The following HPSE2 variants were observed in gnomAD, a reference collection of about 807,000 sequenced individuals.
The protein encoded by HPSE2 is inactive heparanase-2.
In HPSE2, 38 loss-of-function variants were observed where a neutral mutation model predicts 60.5. The observed-to-expected ratio is 0.63, with a 90% confidence interval of 0.48 to 0.82. The LOEUF is 0.82. HPSE2 is among the 40% of genes least tolerant of loss of function. HPSE2 has a pLI of 0.00. For synonymous variants in HPSE2, 295 were observed against 293.2 expected (o/e 1.01, Z -0.06); for missense variants, 713 against 740.4 (o/e 0.96, Z 0.43).
At position 98,695,291 on chromosome 10, in the gene HPSE2, G is replaced by A. The variant is rs567582619; in HGVS notation, c.957-1344C>T. Among the ~76,000 whole-genome samples, 11 of 152,304 alleles carry A rather than the reference G, an allele frequency of 7.2e-5. No individual in the cohort carries two copies. In the South Asian group the frequency reaches 2.3e-3, roughly 32 times the overall value. On this transcript the variant is annotated intron_variant, in intron 5 of 11. Transcript: ENST00000370552. ...GGAGGAGGAGAAGGAGGACGAGGAC[G>A]GAGGATGAGAAGGCCACAGAAGCCC...
chr10:98,722,283 A>C (rs1388353298), intron 4 of HPSE2, among the ~76,000 whole-genome samples: 2 of 150,806 alleles, frequency 1.3e-5, no homozygotes, highest in Non-Finnish European at 2.9e-5. Context: ...GGAAGTTCAG[A>C]TACCCAGACA....
chr10:98,865,072 A>T (rs1952555801), intron 3 of HPSE2, among the ~76,000 whole-genome samples: 1 of 152,148 alleles, frequency 6.6e-6, no homozygotes, highest in Non-Finnish European at 1.5e-5. Flanking sequence ...AAATGTTGGC[A>T]TTAAAAAGAT....
At chr10:98,643,903 A>G (rs1468840499) in intron 6 of HPSE2, among the ~76,000 whole-genome samples, 1 of 152,224 alleles carries the variant, frequency 6.6e-6, no homozygotes, top group African/African-American at 2.4e-5. Flanking sequence ...TATTTAATCA[A>G]ATATATTACA....
At chr10:99,067,729 G>A (rs1842660127) in intron 3 of HPSE2, among the ~76,000 whole-genome samples, 1 of 152,174 alleles carries the variant, frequency 6.6e-6, no homozygotes, top group Non-Finnish European at 1.5e-5. Flanking sequence ...TTGATGGGAG[G>A]GGCTGCTGTG....
chr10:98,926,756 A>G (rs996430367), intron 3 of HPSE2, among the ~76,000 whole-genome samples: 1 of 152,222 alleles, frequency 6.6e-6, no homozygotes, highest in Non-Finnish European at 1.5e-5. Flanking sequence ...AAGTTGTGAT[A>G]CATCTTGTCC....
At chr10:99,080,090 A>G (rs1178574025) in intron 3 of HPSE2, among the ~76,000 whole-genome samples, 1 of 152,210 alleles carries the variant, frequency 6.6e-6, no homozygotes, top group Admixed American at 6.5e-5. Flanking sequence ...CCTCTCAATT[A>G]GTTTTTGGAT....
At chr10:98,694,210 C>T (rs1239076375) in intron 5 of HPSE2, among the ~76,000 whole-genome samples, 8 of 152,176 alleles carry the variant, frequency 5.3e-5, no homozygotes, top group Non-Finnish European at 1.0e-4. Context: ...CTATCTACAT[C>T]TGTCTTCCCA....
the HPSE2 span, among the ~76,000 whole-genome samples, chr10:99,304,781 A>G: frequency 6.6e-6 from 1 of 152,248 alleles, no homozygotes; most frequent in Non-Finnish European, 1.5e-5. Context: ...AATTGGGCCA[A>G]GCACAGGAAT....
At chr10:98,685,979 G>A (rs759058660) in intron 6 of HPSE2, among the ~76,000 whole-genome samples, 1 of 152,108 alleles carries the variant, frequency 6.6e-6, no homozygotes, top group African/African-American at 2.4e-5. Context: ...TTTAATGTCT[G>A]TGCAATCTGT....
chr10:98,588,266 G>A (rs1017750615), intron 9 of HPSE2, among the ~76,000 whole-genome samples: 15 of 151,848 alleles, frequency 9.9e-5, no homozygotes, highest in Non-Finnish European at 2.1e-4. Context: ...AAGTTTGGAG[G>A]GGATGAGACC....
chr10:98,930,544 C>A (rs1954614721), intron 3 of HPSE2, among the ~76,000 whole-genome samples: 1 of 144,390 alleles, frequency 6.9e-6, no homozygotes. Context: ...GGTTCTAAAT[C>A]TTTGAGGAGT....
At chr10:98,972,771 C>G (rs919368978) in intron 3 of HPSE2, among the ~76,000 whole-genome samples, 1 of 152,126 alleles carries the variant, frequency 6.6e-6, no homozygotes, top group African/African-American at 2.4e-5. Context: ...GAAAGACAAC[C>G]ATCCTAGTTC....
chr10:98,694,794 G>A (rs1015363482), intron 5 of HPSE2, among the ~76,000 whole-genome samples: 3 of 152,152 alleles, frequency 2.0e-5, no homozygotes, highest in Admixed American at 6.5e-5. Context: ...GTGCTATCAT[G>A]GTTATAACTA....
At chr10:98,568,820 A>G (rs539502951) in intron 9 of HPSE2, among the ~76,000 whole-genome samples, 23 of 152,306 alleles carry the variant, frequency 1.5e-4, no homozygotes, top group Admixed American at 1.3e-3. Flanking sequence ...CAGCTAAGGA[A>G]GACAGAGAAT....
chr10:99,186,143 C>T (rs549275590), intron 2 of HPSE2, among the ~76,000 whole-genome samples: 125 of 100,976 alleles, frequency 1.2e-3, no homozygotes, highest in African/African-American at 3.4e-3. Flanking sequence ...CACACACACA[C>T]ACACACACAC....
chr10:98,923,750 T>C (rs1196104500), intron 3 of HPSE2, among the ~76,000 whole-genome samples: 1 of 152,108 alleles, frequency 6.6e-6, no homozygotes, highest in Non-Finnish European at 1.5e-5. Context: ...ATTGATTCTA[T>C]TTAATTATTT....
Position 99,111,296 on chromosome 10 carries a change from GTTCTT to G in HPSE2, c.610+32937_610+32941del, listed in dbSNP as rs1305331392. On this transcript the variant is annotated intron_variant, in intron 3 of 11. Coordinates refer to ENST00000370552, the MANE Select transcript of HPSE2 (RefSeq NM_021828.5). ...CTTTAGTATTGTGTTGGCTATTCTA[GTTCTT>G]TTGTCTTTCCATATACACTTTTATA... is the stretch of plus-strand genomic sequence containing the variant. Among the ~76,000 whole-genome samples the G allele has an allele frequency of 4.6e-5, 7 of 152,168 alleles. No individual in the cohort carries two copies. The East Asian group carries it at 1.4e-3, about 29-fold the overall frequency.
intron 3 of HPSE2, among the ~76,000 whole-genome samples, chr10:98,864,980 G>T (rs1035548020): frequency 1.3e-5 from 2 of 152,226 alleles, no homozygotes; most frequent in Admixed American, 6.5e-5. Context: ...AATTCTAGCA[G>T]GCAGCAATGA....
the HPSE2 span, among the ~76,000 whole-genome samples, chr10:99,305,997 A>ACACACACACACACACACACC: frequency 6.7e-6 from 1 of 149,980 alleles, no homozygotes; most frequent in Admixed American, 6.6e-5. Context: ...ACACACACAC[A>ACACACACACACACACACACC]CACACACACA....
Sources: gnomAD v4.1 joint callset for allele counts (sites outside exome capture counted in the v4.1 genomes callset) on GRCh38, gnomAD v4.1.1 for gene constraint, MANE v1.5 for transcripts, NCBI Gene and HGNC (gene_info 2026-07-23, HGNC 2026-07-21) for gene names.